CUBN: variants seen among roughly 807,000 people sequenced by gnomAD.
CUBN encodes cubilin, also known as 460 kDa receptor.
Under a neutral mutation model 405.3 loss-of-function variants are expected in CUBN, and 282 were observed. The ratio of observed to expected loss-of-function variants is 0.70; its 90% CI spans 0.63 to 0.77. The LOEUF (loss-of-function observed/expected upper bound fraction) is 0.77, where lower values mean the gene tolerates loss of function less well. Among genes scored for constraint, CUBN ranks in the 30% least tolerant of loss-of-function variants. The pLI, the probability that CUBN is intolerant of heterozygous loss-of-function variation, is 0.00. For synonymous variants in CUBN, 1,684 were observed against 1,617.0 expected (o/e 1.04, Z -0.99); for missense variants, 4,514 against 4,475.2 (o/e 1.01, Z -0.25).
intron 31 of CUBN, chr10:16,965,857 A>G (rs1588528832): frequency 2.4e-6 from 1 of 424,246 alleles, no homozygotes; most frequent in Non-Finnish European, 4.8e-6. Context: ...TTACAGTTCC[A>G]CTTTGCAGCA....
intron 65 of CUBN, 101 bp downstream of exon 65, chr10:16,831,151 G>T (rs1838978210): frequency 2.0e-6 from 2 of 988,010 alleles, no homozygotes; most frequent in Admixed American, 1.7e-5. Context: ...AACTAATCAG[G>T]TACACAGGTA....
At chr10:16,850,540 C>T (rs1839655033) in intron 60 of CUBN, among the ~76,000 whole-genome samples, 1 of 152,158 alleles carries the variant, frequency 6.6e-6, no homozygotes, top group Non-Finnish European at 1.5e-5. Context: ...GGCGAGATCT[C>T]AGCTCACTGC....
intron 28 of CUBN, among the ~76,000 whole-genome samples, chr10:16,990,863 G>T (rs985510233): frequency 1.4e-4 from 22 of 152,106 alleles, no homozygotes; most frequent in African/African-American, 5.1e-4. Flanking sequence ...AACATAGTCG[G>T]AAGTACAATG....
intron 17 of CUBN, among the ~76,000 whole-genome samples, chr10:17,078,549 C>T (rs368039651): frequency 3.7e-4 from 56 of 152,258 alleles, no homozygotes; most frequent in Middle Eastern, 6.8e-3. Flanking sequence ...ATACTTATCT[C>T]CTCTTGAAAT....
intron 36 of CUBN, among the ~76,000 whole-genome samples, chr10:16,945,496 G>A (rs532740191): frequency 9.2e-5 from 14 of 152,008 alleles, no homozygotes; most frequent in Non-Finnish European, 1.8e-4. Context: ...GGCCAGGCAC[G>A]GTGGCTCATG....
At chr10:16,869,564 G>C (rs1395229285) in intron 59 of CUBN, 72 bp downstream of exon 59, 2 of 986,362 alleles carry the variant, frequency 2.0e-6, no homozygotes, top group Admixed American at 3.6e-5. Context: ...GGGTGGGGGG[G>C]GGGCGGGGAA....
chr10:17,051,231 G>A (rs1835259089), intron 22 of CUBN, among the ~76,000 whole-genome samples: 2 of 151,798 alleles, frequency 1.3e-5, no homozygotes, highest in African/African-American at 4.8e-5. Flanking sequence ...TGTGGTGGTG[G>A]GCGCCTGTAG....
At chr10:17,102,563 A>T (rs937398506) in intron 13 of CUBN, among the ~76,000 whole-genome samples, 4 of 147,274 alleles carry the variant, frequency 2.7e-5, no homozygotes, top group Non-Finnish European at 5.9e-5. Context: ...CTAGGATCAC[A>T]GGCGTGAGCC....
intron 28 of CUBN, among the ~76,000 whole-genome samples, chr10:17,002,892 A>G (rs934030678): frequency 6.6e-6 from 1 of 152,220 alleles, no homozygotes; most frequent in Admixed American, 6.5e-5. Context: ...AATTTGTCAT[A>G]AATACAAATC....
Position 16,828,893 on chromosome 10 carries a change from T to C in CUBN, c.10676A>G (p.Asp3559Gly), listed in dbSNP as rs1249875122. The change falls in exon 66 of 67, where the codon GAC (aspartate) becomes GGC (glycine). Residue 3559 changes from aspartate (D) to glycine (G), a missense_variant. Coordinates refer to ENST00000377833, the MANE Select transcript of CUBN (RefSeq NM_001081.4). ...VTINFYFISI[D>G]DPGDCVQNYL... ...GTTCTGGACACAGTCTCCTGGATCG[T>C]CAATGCTGATGAAGTAGAAGTTGAT... The C allele has an allele frequency of 6.2e-7, 1 of 1,614,046 alleles. No individual in the cohort carries two copies. The highest frequency in any genetic ancestry group is 8.5e-7 in the Non-Finnish European group (1 of 1,180,020).
intron 4 of CUBN, among the ~76,000 whole-genome samples, chr10:17,124,667 A>G (rs1488392368): frequency 6.6e-6 from 1 of 151,976 alleles, no homozygotes; most frequent in Non-Finnish European, 1.5e-5. Flanking sequence ...TGACCTCGTG[A>G]TCCGCCCGCC....
At chr10:17,079,105 C>T (rs2131857281) in intron 17 of CUBN, among the ~76,000 whole-genome samples, 1 of 152,262 alleles carries the variant, frequency 6.6e-6, no homozygotes, top group African/African-American at 2.4e-5. Flanking sequence ...CTTCTTCCTT[C>T]ACTAAAAAGC....
chr10:16,983,055 A>G (rs185154219), intron 30 of CUBN, among the ~76,000 whole-genome samples: 1 of 152,326 alleles, frequency 6.6e-6, no homozygotes, highest in African/African-American at 2.4e-5. Context: ...ATAATTTAAT[A>G]TCTACCCTTT....
At chr10:17,019,164 T>C (rs1015645786) in intron 28 of CUBN, among the ~76,000 whole-genome samples, 7 of 152,196 alleles carry the variant, frequency 4.6e-5, no homozygotes, top group Non-Finnish European at 8.8e-5. Context: ...GGCTCTCCAC[T>C]TGCAGATTGG....
intron 36 of CUBN, among the ~76,000 whole-genome samples, chr10:16,942,792 G>GGGAAA (rs1842685863): frequency 6.8e-6 from 1 of 146,920 alleles, no homozygotes; most frequent in Non-Finnish European, 1.5e-5. Flanking sequence ...AAAAAGGGAA[G>GGGAAA]GGAAGGGAAG....
At chr10:16,967,846 AGG>A (rs1462740195) in intron 31 of CUBN, among the ~76,000 whole-genome samples, 3 of 39,284 alleles carry the variant, frequency 7.6e-5, no homozygotes, top group African/African-American at 2.2e-4. Flanking sequence ...GGAGAGACAG[AGG>A]GAGAGAGAGA....
At chr10:17,037,546 A>C (rs1834927021) in intron 27 of CUBN, among the ~76,000 whole-genome samples, 1 of 152,228 alleles carries the variant, frequency 6.6e-6, no homozygotes, top group African/African-American at 2.4e-5. Flanking sequence ...TGAACTGGAT[A>C]ATACGGTTCC....
At chr10:16,911,816 TCTG>T (rs1459007262) in intron 48 of CUBN, among the ~76,000 whole-genome samples, 1 of 152,220 alleles carries the variant, frequency 6.6e-6, no homozygotes, top group East Asian at 1.9e-4. Flanking sequence ...TTTTTTATTT[TCTG>T]AACTCTCCAA....
At position 16,840,406 on chromosome 10, in the gene CUBN, T is replaced by A. The variant is rs762687726; in HGVS notation, c.9956A>T (p.Lys3319Met). The change falls in exon 62 of 67, where the codon AAG becomes ATG. Residue 3319 changes from lysine to methionine, a missense_variant. Physicochemically the swap from Lys to Met is moderately conservative, Grantham distance 95. Around this residue, in one of 5 missense-constraint regions of CUBN, gnomAD observed 1,186 missense variants for 1,186.9 expected, o/e 1.00. Coordinates refer to ENST00000377833, the MANE Select transcript of CUBN (RefSeq NM_001081.4). ...VIDSPPHQQV[K>M]ITVWALQLTS... is the part of the protein sequence containing the mutation. ...CAGCTGTAATGCCCACACAGTTATC[T>A]TGACCTGCTGATGCGGAGGGGAATC... The A allele has an allele frequency of 6.2e-7, 1 of 1,614,010 alleles. No homozygotes were observed. The highest frequency in any genetic ancestry group is 8.5e-7 in the Non-Finnish European group (1 of 1,180,002).
Sources: gnomAD v4.1 joint callset for allele counts (sites outside exome capture counted in the v4.1 genomes callset) on GRCh38, gnomAD v4.1.1 for gene constraint, gnomAD v4.1.1 regional missense constraint, MANE v1.5 for transcripts, NCBI Gene and HGNC (gene_info 2026-07-23, HGNC 2026-07-21) for gene names.